ANK2: variants seen among roughly 807,000 people sequenced by gnomAD.
ANK2 encodes ankyrin-2.
ANK2 carries 83 observed loss-of-function variants against 360.5 expected under a neutral mutation model. That is an observed-to-expected ratio of 0.23 (90% CI 0.19 to 0.28). The LOEUF is 0.28. Ranked by LOEUF, ANK2 falls within the 10% of genes least tolerant of loss-of-function variation. The pLI is 1.00. For synonymous variants in ANK2, 1,740 were observed against 1,759.5 expected (o/e 0.99, Z 0.28); for missense variants, 4,201 against 4,795.7 (o/e 0.88, Z 3.66).
At chr4:113,168,308 A>G (rs2154409272) in intron 1 of ANK2, among the ~76,000 whole-genome samples, 1 of 152,306 alleles carries the variant, frequency 6.6e-6, no homozygotes, top group African/African-American at 2.4e-5. Flanking sequence ...CCAATTCTCA[A>G]TTTTGTGTGA....
At chr4:112,997,096 T>A (rs143036115) in intron 2 of ANK2, among the ~76,000 whole-genome samples, 10 of 152,212 alleles carry the variant, frequency 6.6e-5, no homozygotes, top group African/African-American at 2.2e-4. Flanking sequence ...GATTTTTTTT[T>A]AGGCTTTTAA....
intron 29 of ANK2, among the ~76,000 whole-genome samples, chr4:113,334,618 T>C (rs1028079253): frequency 2.3e-5 from 3 of 128,796 alleles, no homozygotes; most frequent in African/African-American, 1.2e-4. Flanking sequence ...ACTAGAAAGT[T>C]AATAGATTAA....
intron 13 of ANK2, among the ~76,000 whole-genome samples, chr4:113,261,203 A>T (rs2052709218): frequency 6.6e-6 from 1 of 152,092 alleles, no homozygotes; most frequent in Non-Finnish European, 1.5e-5. Context: ...TTTAACTGAA[A>T]ATCTCCTTTT....
the ANK2 span, among the ~76,000 whole-genome samples, chr4:112,775,544 C>CACACACACACACACACACAA: frequency 1.3e-5 from 2 of 151,450 alleles, no homozygotes; most frequent in South Asian, 2.1e-4. Context: ...CACACACACA[C>CACACACACACACACACACAA]AAGAAAAAAA....
At chr4:112,716,835 A>T in the ANK2 span, among the ~76,000 whole-genome samples, 1 of 152,202 alleles carries the variant, frequency 6.6e-6, no homozygotes, top group African/African-American at 2.4e-5. Flanking sequence ...TATGTGGGAA[A>T]AGTAAACCTT....
In ANK2 at chr4:113,172,303, A is replaced by G. The variant is rs112080615; in HGVS notation, c.85-2113A>G. On this transcript the variant is annotated intron_variant, in intron 1 of 45. Coordinates refer to ENST00000357077, the MANE Select transcript of ANK2 (RefSeq NM_001148.6). ...GCATAACTGGGGTTAATGCAGGTGAAATAAACCTAGAGCTCACAGGCTAGG... is the reference window on the plus strand; with the variant it reads ...GCATAACTGGGGTTAATGCAGGTGAGATAAACCTAGAGCTCACAGGCTAGG... 4.2e-3 allele frequency among the ~76,000 whole-genome samples: 638 copies of G among 152,330 alleles called. 6 individuals carry two copies. The highest frequency in any genetic ancestry group is 0.015 in the African/African-American group (612 of 41,578).
chr4:112,945,780 T>C (rs1224650386), intron 2 of ANK2, among the ~76,000 whole-genome samples: 1 of 152,166 alleles, frequency 6.6e-6, no homozygotes, highest in Admixed American at 6.5e-5. Flanking sequence ...ATTTTACACA[T>C]GAGGAGCCGA....
chr4:113,323,832 C>T, intron 26 of ANK2: 1 of 1,590,634 alleles, frequency 6.3e-7, no homozygotes, highest in Non-Finnish European at 8.6e-7. Context: ...AACATGTTGC[C>T]TATTCCTCTC....
Position 113,333,061 on chromosome 4 carries a change from A to G in ANK2, c.3232A>G (p.Ile1078Val), listed in dbSNP as rs1269748001. ...TCTGCATTGCTATGTCAGGCCTGTG[A>G]TCGTGGAGATCCCTCACTTTGCGGC... Reference protein sequence around the residue: ...PPGTKFLGPVIVEIPHFAALR... With the variant: ...PPGTKFLGPVVVEIPHFAALR... The change falls in exon 29 of 46, where the codon ATC becomes GTC. Residue 1078 changes from isoleucine (I) to valine (V), a missense_variant. Coordinates refer to ENST00000357077, the MANE Select transcript of ANK2 (RefSeq NM_001148.6). 6.2e-7 allele frequency: 1 copy of G among 1,614,134 alleles called. No individual in the cohort carries two copies.
chr4:113,268,890 G>GGT (rs980821009), intron 14 of ANK2, among the ~76,000 whole-genome samples: 11 of 152,106 alleles, frequency 7.2e-5, no homozygotes, highest in African/African-American at 2.7e-4. Flanking sequence ...GGCTTTTTTT[G>GGT]GTTGGTAGGC....
At chr4:112,741,290 C>G in the ANK2 span, among the ~76,000 whole-genome samples, 1 of 152,164 alleles carries the variant, frequency 6.6e-6, no homozygotes, top group Non-Finnish European at 1.5e-5. Flanking sequence ...CCCTTTGATT[C>G]ACTGAGCTGA....
intron 1 of ANK2, among the ~76,000 whole-genome samples, chr4:113,130,240 C>T (rs1328915551): frequency 6.6e-6 from 1 of 152,218 alleles, no homozygotes; most frequent in African/African-American, 2.4e-5. Flanking sequence ...TAACGAATCT[C>T]TCCCTTGGTC....
chr4:113,283,329 G>A, intron 18 of ANK2, among the ~76,000 whole-genome samples: 1 of 152,268 alleles, frequency 6.6e-6, no homozygotes, highest in South Asian at 2.1e-4. Flanking sequence ...ACCACCCAAG[G>A]CATTCTTTAG....
In ANK2 at chr4:112,836,297, G is replaced by A. The variant is rs535728544; in HGVS notation, c.-40+18033G>A. Reference sequence around the variant, plus strand: ...GCTTCCCCTTCTGCCATGATTGTAAGTTTCCTGAGGCTTCCCCAGCCATAC... The same window carrying A: ...GCTTCCCCTTCTGCCATGATTGTAAATTTCCTGAGGCTTCCCCAGCCATAC... On this transcript the variant is annotated intron_variant, in intron 1 of 30. Transcript: ENST00000503271. 3.3e-5 allele frequency among the ~76,000 whole-genome samples: 5 copies of A among 152,180 alleles called. No homozygotes were observed. In the South Asian group the frequency reaches 1.0e-3, roughly 32 times the overall value.
At chr4:113,360,977 A>G in intron 39 of ANK2, 80 bp downstream of exon 39, 1 of 1,249,342 alleles carries the variant, frequency 8.0e-7, no homozygotes, top group Non-Finnish European at 1.2e-6. Context: ...CATAAAAGGT[A>G]CCCCCCACTT....
chr4:112,738,593 G>A, the ANK2 span: 1 of 486,886 alleles, frequency 2.1e-6, no homozygotes, highest in Non-Finnish European at 4.0e-6. Context: ...GGAGAGTTCT[G>A]AATTGTGAGT....
chr4:112,844,353 G>A (rs2062821497), intron 1 of ANK2, among the ~76,000 whole-genome samples: 1 of 152,078 alleles, frequency 6.6e-6, no homozygotes, highest in Non-Finnish European at 1.5e-5. Context: ...TTATGACAAC[G>A]ATTATATTTT....
At chr4:112,831,642 A>C (rs1001960907) in intron 1 of ANK2, among the ~76,000 whole-genome samples, 1 of 152,212 alleles carries the variant, frequency 6.6e-6, no homozygotes, top group Admixed American at 6.5e-5. Context: ...GAATAAAAGC[A>C]GGCTGCTGGA....
At chr4:112,810,863 T>G in the ANK2 span, among the ~76,000 whole-genome samples, 6 of 151,016 alleles carry the variant, frequency 4.0e-5, no homozygotes, top group Admixed American at 3.3e-4. Flanking sequence ...TTCCCGCTTT[T>G]TTGTTGTTGT....
Sources: allele counts gnomAD v4.1 joint callset (sites outside exome capture counted in the v4.1 genomes callset), GRCh38; gene constraint gnomAD v4.1.1; transcripts MANE v1.5; gene names NCBI Gene and HGNC (gene_info 2026-07-23, HGNC 2026-07-21).